GTF3C5: variants seen among roughly 807,000 people sequenced by gnomAD.
GTF3C5 encodes general transcription factor IIIC subunit 5.
GTF3C5 carries 47 observed loss-of-function variants against 61.0 expected under a neutral mutation model. That is an observed-to-expected ratio of 0.77 (90% CI 0.61 to 0.98). The LOEUF (loss-of-function observed/expected upper bound fraction) is 0.98, where lower values mean the gene tolerates loss of function less well. Among genes scored for constraint, GTF3C5 ranks in the 50% least tolerant of loss-of-function variants. GTF3C5 has a pLI of 0.00. For synonymous variants in GTF3C5, 295 were observed against 275.4 expected (o/e 1.07, Z -0.71); for missense variants, 659 against 703.3 (o/e 0.94, Z 0.71).
At chr9:133,053,114 A>G (rs1016976132) in intron 5 of GTF3C5, among the ~76,000 whole-genome samples, 3 of 152,184 alleles carry the variant, frequency 2.0e-5, no homozygotes, top group African/African-American at 7.2e-5. Context: ...TGCTGGGATT[A>G]TAGGCGAGAG....
intron 3 of GTF3C5, among the ~76,000 whole-genome samples, chr9:133,046,326 T>C (rs1165463223): frequency 6.6e-6 from 1 of 152,000 alleles, no homozygotes; most frequent in Non-Finnish European, 1.5e-5. Context: ...CAAAACCCTG[T>C]CTCAATAAAC....
intron 1 of GTF3C5, among the ~76,000 whole-genome samples, chr9:133,039,033 C>T (rs1849961291): frequency 6.6e-6 from 1 of 152,206 alleles, no homozygotes; most frequent in Admixed American, 6.5e-5. Context: ...TCTTTAGAAC[C>T]CTACCAGGTA....
intron 1 of GTF3C5, among the ~76,000 whole-genome samples, chr9:133,038,725 G>A (rs1391820845): frequency 3.3e-5 from 5 of 151,928 alleles, no homozygotes; most frequent in Non-Finnish European, 5.9e-5. Flanking sequence ...CCAAAGTGCT[G>A]GGATTACAGG....
intron 1 of GTF3C5, among the ~76,000 whole-genome samples, chr9:133,037,832 C>T (rs773484587): frequency 1.8e-4 from 27 of 152,164 alleles, no homozygotes; most frequent in East Asian, 7.7e-4. Context: ...TGACGCTAGA[C>T]GGAAGGGAAC....
chr9:133,045,162 A>G (rs1320681422), intron 3 of GTF3C5, among the ~76,000 whole-genome samples: 3 of 152,208 alleles, frequency 2.0e-5, no homozygotes, highest in African/African-American at 4.8e-5. Flanking sequence ...ACAGTATCCA[A>G]CTGGGGATGA....
chr9:133,054,889 G>A (rs748120323), intron 8 of GTF3C5, 80 bp downstream of exon 8: 1 of 1,536,952 alleles, frequency 6.5e-7, no homozygotes, highest in Admixed American at 2.0e-5. Context: ...CACCTGGGGG[G>A]CTGTGATTAG....
At position 133,053,809 on chromosome 9, in the gene GTF3C5, C is replaced by A. The variant is rs756047370; in HGVS notation, c.874-19C>A. ...GGGCCTTCACCTCACCTCACATTTT[C>A]CCCACTTTTCTGTCCCAGATAACAG... On this transcript the variant is annotated intron_variant, in intron 5 of 10. Transcript: ENST00000372097. 1 of 1,533,970 alleles carries A rather than the reference C, an allele frequency of 6.5e-7. No individual in the cohort carries two copies. Among genetic ancestry groups the A allele is most frequent in the East Asian group, 2.3e-5 (1 of 44,198 alleles).
intron 1 of GTF3C5, among the ~76,000 whole-genome samples, chr9:133,041,431 T>TA (rs1306698889): frequency 4.6e-5 from 7 of 152,176 alleles, no homozygotes; most frequent in Admixed American, 6.5e-5. Context: ...AAGTCTCTGA[T>TA]ATGCAGAAGT....
At chr9:133,053,769 C>CCCGT in intron 5 of GTF3C5, 59 bp from the exon 6 acceptor site, 1 of 1,111,770 alleles carries the variant, frequency 9.0e-7, no homozygotes, top group Non-Finnish European at 1.3e-6. Context: ...TAGGCTCTGG[C>CCCGT]CCGTCCAGGG....
chr9:133,038,329 G>A (rs527865257), intron 1 of GTF3C5, among the ~76,000 whole-genome samples: 4 of 152,216 alleles, frequency 2.6e-5, no homozygotes, highest in South Asian at 2.1e-4. Context: ...CCTTGGCAAC[G>A]GAGAGTGTGG....
intron 1 of GTF3C5, among the ~76,000 whole-genome samples, chr9:133,039,502 CG>C (rs1470543222): frequency 2.6e-5 from 4 of 152,104 alleles, no homozygotes; most frequent in African/African-American, 9.7e-5. Flanking sequence ...CTCCTAGGCT[CG>C]GGTGATCTTC....
chr9:133,051,926 C>T lies in GTF3C5; in HGVS notation c.769-134C>T, dbSNP rs561966238. On this transcript the variant is annotated intron_variant, in intron 4 of 10. Transcript: ENST00000372097. ...GAGCAGGAGGTCCTAGGGCCACGCC[C>T]TGTGTGTCCAGCCCCTGTCCTCTAC... is the stretch of plus-strand genomic sequence containing the variant. The T allele has an allele frequency of 9.3e-6, 5 of 538,600 alleles. No individual in the cohort carries two copies. In the South Asian group the frequency reaches 1.0e-4, roughly 11 times the overall value. The allele number at this position is 538,600 out of a possible 1,614,324, so 33.4% of individuals were successfully genotyped here. A position where few individuals can be genotyped will look rare whatever the true frequency, so the allele number is the denominator to read the frequency against.
At position 133,058,036 on chromosome 9, in the gene GTF3C5, G is replaced by A. The variant is rs201736597; in HGVS notation, c.*56G>A. ...GCCAGACTGGTGTCTGGCCTAATGA[G>A]GGAGCCGGGGCTCCCCATTGCCACC... On this transcript the variant is annotated 3_prime_UTR_variant, in exon 11 of 11. Transcript: ENST00000372097. 1.2e-6 allele frequency: 2 copies of A among 1,602,092 alleles called. No homozygotes were observed. The highest frequency in any genetic ancestry group is 1.1e-5 in the South Asian group (1 of 89,726).
intron 8 of GTF3C5, chr9:133,055,201 C>A: frequency 6.5e-7 from 1 of 1,527,892 alleles, no homozygotes; most frequent in Non-Finnish European, 8.8e-7. Context: ...GTGGCAGGAG[C>A]CTCACTGGCT....
At chr9:133,055,142 G>C in intron 8 of GTF3C5, 1 of 1,547,240 alleles carries the variant, frequency 6.5e-7, no homozygotes, top group Non-Finnish European at 8.7e-7. Flanking sequence ...GATCGGAATT[G>C]GGCACACACA....
At chr9:133,055,538 T>C (rs934758669) in intron 8 of GTF3C5, 2 of 1,195,050 alleles carry the variant, frequency 1.7e-6, no homozygotes, top group African/African-American at 3.2e-5. Context: ...CCGTTATCCT[T>C]ACTCTAGAAC....
intron 1 of GTF3C5, among the ~76,000 whole-genome samples, chr9:133,036,782 C>T (rs1369247883): frequency 3.9e-5 from 6 of 152,106 alleles, no homozygotes; most frequent in East Asian, 1.9e-4. Flanking sequence ...AGGAATGTTA[C>T]GAGTTCCTGC....
chr9:133,056,323 T>A (rs1448658590), intron 9 of GTF3C5, among the ~76,000 whole-genome samples: 1 of 152,204 alleles, frequency 6.6e-6, no homozygotes, highest in East Asian at 1.9e-4. Flanking sequence ...CTTACTGTTA[T>A]GTCCTTGCTC....
At chr9:133,046,513 A>G (rs969137511) in intron 3 of GTF3C5, among the ~76,000 whole-genome samples, 2 of 152,172 alleles carry the variant, frequency 1.3e-5, no homozygotes, top group South Asian at 4.1e-4. Flanking sequence ...GGCTCAGAGC[A>G]GTTTTCTTTG....
Sources: allele counts gnomAD v4.1 joint callset (sites outside exome capture counted in the v4.1 genomes callset), GRCh38; gene constraint gnomAD v4.1.1; transcripts MANE v1.5; gene names NCBI Gene and HGNC (gene_info 2026-07-23, HGNC 2026-07-21).